BNC2: variants seen among roughly 807,000 people sequenced by gnomAD.
BNC2 encodes the protein basonuclin zinc finger protein 2.
In BNC2, 20 loss-of-function variants were observed where a neutral mutation model predicts 76.3. The ratio of observed to expected loss-of-function variants is 0.26; its 90% CI spans 0.18 to 0.38. The LOEUF (loss-of-function observed/expected upper bound fraction) is 0.38. BNC2 is among the 10% of genes least tolerant of loss of function. The probability of loss-of-function intolerance (pLI) is 1.00; values close to 1 mark genes in which losing one functional copy is unlikely to be tolerated. For synonymous variants in BNC2, 582 were observed against 514.8 expected (o/e 1.13, Z -1.77); for missense variants, 1,382 against 1,399.8 (o/e 0.99, Z 0.20).
intron 1 of BNC2, among the ~76,000 whole-genome samples, chr9:16,773,904 C>A (rs770902139): frequency 6.6e-6 from 1 of 152,178 alleles, no homozygotes; most frequent in Non-Finnish European, 1.5e-5. Flanking sequence ...TTATCCCACG[C>A]CCCCAATCTC....
At chr9:16,427,458 GCA>G (rs1820824520) in intron 6 of BNC2, among the ~76,000 whole-genome samples, 2 of 152,158 alleles carry the variant, frequency 1.3e-5, no homozygotes, top group South Asian at 2.1e-4. Flanking sequence ...TTTATTGAAG[GCA>G]ATCCTTCTCT....
chr9:16,811,230 C>CAAA (rs58068661), intron 1 of BNC2, among the ~76,000 whole-genome samples: 2 of 97,540 alleles, frequency 2.1e-5, no homozygotes, highest in Non-Finnish European at 4.3e-5. Flanking sequence ...CTCAAAAGAC[C>CAAA]AAAAAAAAAA....
At chr9:16,609,678 A>T (rs915658138) in intron 3 of BNC2, among the ~76,000 whole-genome samples, 1 of 152,162 alleles carries the variant, frequency 6.6e-6, no homozygotes, top group South Asian at 2.1e-4. Context: ...GAATTTATCT[A>T]TGGGACATAT....
chr9:16,862,672 C>T (rs1008421198), intron 1 of BNC2, among the ~76,000 whole-genome samples: 2 of 152,172 alleles, frequency 1.3e-5, no homozygotes, highest in Non-Finnish European at 2.9e-5. Flanking sequence ...TTAATTACCA[C>T]ACAGCACTAA....
At chr9:16,731,960 C>CA (rs767921962) in intron 2 of BNC2, among the ~76,000 whole-genome samples, 1 of 151,906 alleles carries the variant, frequency 6.6e-6, no homozygotes, top group Non-Finnish European at 1.5e-5. Flanking sequence ...CAATTAGTTA[C>CA]AAAAAATTTG....
intron 1 of BNC2, among the ~76,000 whole-genome samples, chr9:16,739,346 A>C (rs1824774391): frequency 6.6e-6 from 1 of 152,222 alleles, no homozygotes; most frequent in African/African-American, 2.4e-5. Flanking sequence ...CTGAAGTGTG[A>C]AAAGACAAAA....
intron 1 of BNC2, among the ~76,000 whole-genome samples, chr9:16,767,407 G>A (rs1303783605): frequency 6.6e-6 from 1 of 152,220 alleles, no homozygotes; most frequent in South Asian, 2.1e-4. Flanking sequence ...GCCCCTAAGG[G>A]CGGTACATGC....
chr9:16,587,266 T>G (rs1819798919), intron 3 of BNC2, among the ~76,000 whole-genome samples: 1 of 148,784 alleles, frequency 6.7e-6, no homozygotes, highest in Non-Finnish European at 1.5e-5. Context: ...CAGGCTGGAG[T>G]ACAGTGGTGA....
At chr9:16,820,984 G>C (rs1339669301) in intron 1 of BNC2, among the ~76,000 whole-genome samples, 1 of 151,992 alleles carries the variant, frequency 6.6e-6, no homozygotes, top group Non-Finnish European at 1.5e-5. Flanking sequence ...TGTAATCCCA[G>C]AACGTTGGGA....
At chr9:16,791,230 T>G (rs367710066) in intron 1 of BNC2, among the ~76,000 whole-genome samples, 3 of 152,024 alleles carry the variant, frequency 2.0e-5, no homozygotes, top group African/African-American at 7.2e-5. Flanking sequence ...CCTGGCTAAT[T>G]TTTTGTATTT....
intron 5 of BNC2, among the ~76,000 whole-genome samples, chr9:16,464,470 A>C (rs1181531626): frequency 6.6e-6 from 1 of 152,206 alleles, no homozygotes; most frequent in Non-Finnish European, 1.5e-5. Flanking sequence ...AGCACAAAAG[A>C]GACACAATAT....
intron 5 of BNC2, among the ~76,000 whole-genome samples, chr9:16,520,514 C>T (rs1415573097): frequency 1.3e-5 from 2 of 152,188 alleles, no homozygotes; most frequent in Admixed American, 6.5e-5. Context: ...ACATTTTTCA[C>T]TACCTAAATC....
intron 1 of BNC2, among the ~76,000 whole-genome samples, chr9:16,797,228 A>C (rs1415413045): frequency 6.6e-6 from 1 of 152,166 alleles, no homozygotes; most frequent in African/African-American, 2.4e-5. Context: ...AGCAAGTTGA[A>C]CTCAGAAAAC....
chr9:16,500,276 C>T (rs529108339), intron 5 of BNC2, among the ~76,000 whole-genome samples: 2 of 151,332 alleles, frequency 1.3e-5, no homozygotes, highest in Admixed American at 1.3e-4. Context: ...TTTTTAGTAA[C>T]CTTGCCTGTC....
At chr9:16,804,323 T>C (rs187537359) in intron 1 of BNC2, among the ~76,000 whole-genome samples, 1 of 152,236 alleles carries the variant, frequency 6.6e-6, no homozygotes, top group Non-Finnish European at 1.5e-5. Context: ...GTAAGTACTA[T>C]CATTGTCTCC....
intron 1 of BNC2, among the ~76,000 whole-genome samples, chr9:16,771,256 A>G (rs1225311008): frequency 6.6e-6 from 1 of 152,220 alleles, no homozygotes; most frequent in Non-Finnish European, 1.5e-5. Flanking sequence ...ACTGAGTCTA[A>G]CAGACGTGAA....
intron 1 of BNC2, among the ~76,000 whole-genome samples, chr9:16,849,519 C>G (rs12685962): frequency 0.13 from 19,688 of 151,716 alleles, 1,752 homozygotes; most frequent in South Asian, 0.27. Context: ...CCACCACGCC[C>G]GACTAATTTT....
At chr9:16,479,416 G>C (rs889058752) in intron 5 of BNC2, among the ~76,000 whole-genome samples, 5 of 152,134 alleles carry the variant, frequency 3.3e-5, no homozygotes, top group Non-Finnish European at 7.3e-5. Context: ...ACAGCACCTA[G>C]CAAAAGTTTT....
At chr9:16,769,078 C>T (rs1048795896) in intron 1 of BNC2, among the ~76,000 whole-genome samples, 1 of 152,198 alleles carries the variant, frequency 6.6e-6, no homozygotes, top group African/African-American at 2.4e-5. Flanking sequence ...AACGGGTCTT[C>T]TGTAAGAATT....
Sources: gnomAD v4.1 joint callset for allele counts (sites outside exome capture counted in the v4.1 genomes callset) on GRCh38, gnomAD v4.1.1 for gene constraint, MANE v1.5 for transcripts, NCBI Gene and HGNC (gene_info 2026-07-23, HGNC 2026-07-21) for gene names.